DLG2: variants seen among roughly 807,000 people sequenced by gnomAD.
DLG2 encodes the protein discs large MAGUK scaffold protein 2, also known as disks large homolog 2.
Under a neutral mutation model 132.5 loss-of-function variants are expected in DLG2, and 45 were observed. The ratio of observed to expected loss-of-function variants is 0.34; its 90% CI spans 0.27 to 0.44. The LOEUF (loss-of-function observed/expected upper bound fraction) is 0.44, where lower values mean the gene tolerates loss of function less well. DLG2 is among the 20% of genes least tolerant of loss of function. The pLI is 1.00. For synonymous variants in DLG2, 424 were observed against 419.6 expected, an observed-to-expected ratio of 1.01 and a Z score of -0.13; for missense variants, 1,045 against 1,196.9, an observed-to-expected ratio of 0.87 and a Z score of 1.87.
At chr11:85,482,659 T>C (rs1200113983) in intron 3 of DLG2, among the ~76,000 whole-genome samples, 1 of 152,094 alleles carries the variant, frequency 6.6e-6, no homozygotes, top group Non-Finnish European at 1.5e-5. Context: ...GCCAGCCTAA[T>C]GGTCCCAGGT....
chr11:85,622,964 A>C (rs2081823569), intron 2 of DLG2, among the ~76,000 whole-genome samples: 1 of 151,982 alleles, frequency 6.6e-6, no homozygotes, highest in African/African-American at 2.4e-5. Context: ...AAGCTGAGTC[A>C]AGAGAATTGC....
chr11:84,661,283 G>C (rs1346794814), intron 6 of DLG2, among the ~76,000 whole-genome samples: 1 of 152,092 alleles, frequency 6.6e-6, no homozygotes, highest in Non-Finnish European at 1.5e-5. Context: ...AAAAATGAAG[G>C]CTGAAAGCAT....
At chr11:83,460,925 T>C (rs1383267525) in intron 27 of DLG2, among the ~76,000 whole-genome samples, 1 of 152,086 alleles carries the variant, frequency 6.6e-6, no homozygotes, top group Non-Finnish European at 1.5e-5. Context: ...GCACTGACAC[T>C]TTCTATATTC....
chr11:84,845,638 C>T (rs1415679161), intron 6 of DLG2, among the ~76,000 whole-genome samples: 2 of 151,502 alleles, frequency 1.3e-5, no homozygotes, highest in Admixed American at 6.6e-5. Context: ...ACCCATCCTT[C>T]CCTATTGAAA....
intron 8 of DLG2, among the ~76,000 whole-genome samples, chr11:84,164,673 C>T (rs570966443): frequency 3.9e-5 from 6 of 152,262 alleles, no homozygotes; most frequent in African/African-American, 1.4e-4. Context: ...TGTGGATTCT[C>T]TTTTGTAACA....
rs1255677841 is a variant in DLG2, at chr11:83,456,767, C to T, written c.*3051G>A. 1 of 152,112 alleles carries T rather than the reference C, an allele frequency of 6.6e-6. No homozygotes were observed. The highest frequency in any genetic ancestry group is 2.4e-5 in the African/African-American group (1 of 41,412). 9.4% of individuals were successfully genotyped at this position (152,112 alleles called of 1,614,324 possible). On this transcript the variant is annotated 3_prime_UTR_variant, in exon 28 of 28. Transcript: ENST00000376104. Reference sequence around the variant, plus strand: ...GAGGTTGGAGAGTTCTTTCCTGGCTCGGAGTCCTGAAGGGCCGGCAGTAGG... The same window carrying T: ...GAGGTTGGAGAGTTCTTTCCTGGCTTGGAGTCCTGAAGGGCCGGCAGTAGG...
At chr11:84,502,348 TTCTTTCTTTCTTTCTTTCTTTCTTTC>T (rs1567806137) in intron 7 of DLG2, among the ~76,000 whole-genome samples, 1 of 52,490 alleles carries the variant, frequency 1.9e-5, no homozygotes, top group Non-Finnish European at 3.4e-5. Flanking sequence ...CTTTCTTTCT[TTCTTTCTTTCTTTCTTTCTTTCTTTC>T]TTTCTTTCTT....
chr11:83,492,612 A>C (rs1247474939), intron 21 of DLG2, among the ~76,000 whole-genome samples: 1 of 152,060 alleles, frequency 6.6e-6, no homozygotes, highest in Non-Finnish European at 1.5e-5. Flanking sequence ...AAGCAGACAA[A>C]AACCTTGGTC....
intron 19 of DLG2, among the ~76,000 whole-genome samples, chr11:83,587,969 C>T (rs918490865): frequency 5.9e-5 from 9 of 152,202 alleles, no homozygotes; most frequent in African/African-American, 2.2e-4. Flanking sequence ...GATTATATCC[C>T]GCACCTGGCT....
chr11:83,515,088 T>C (rs1295941892), intron 21 of DLG2, among the ~76,000 whole-genome samples: 10 of 152,182 alleles, frequency 6.6e-5, no homozygotes, highest in Admixed American at 6.5e-4. Context: ...ATTGGAATAG[T>C]TTCAGAAGGA....
intron 6 of DLG2, among the ~76,000 whole-genome samples, chr11:85,015,478 G>A (rs992676724): frequency 1.3e-5 from 2 of 150,216 alleles, no homozygotes; most frequent in African/African-American, 4.9e-5. Context: ...GCTGTGACAA[G>A]TTTCTGTTTT....
chr11:83,749,493 T>C (rs1279025654), intron 18 of DLG2, among the ~76,000 whole-genome samples: 4 of 152,176 alleles, frequency 2.6e-5, no homozygotes, highest in Non-Finnish European at 5.9e-5. Context: ...CTCTTGGTTA[T>C]ACTGTCTCCT....
intron 6 of DLG2, among the ~76,000 whole-genome samples, chr11:84,867,973 C>G (rs550063803): frequency 1.3e-5 from 2 of 151,988 alleles, no homozygotes; most frequent in East Asian, 3.9e-4. Context: ...ACTCGGGAGG[C>G]CGAGGCAGGA....
At position 85,175,428 on chromosome 11, in the gene DLG2, A is replaced by G. The variant is rs1313890695; in HGVS notation, c.187-20777T>C. 5.3e-5 allele frequency among the ~76,000 whole-genome samples: 8 copies of G among 152,344 alleles called. No individual in the cohort carries two copies. In the East Asian group the frequency reaches 1.4e-3, roughly 26 times the overall value. On this transcript the variant is annotated intron_variant, in intron 4 of 27. Transcript: ENST00000376104. ...TAACATTCAACATCCTTTTATGTTAAAAACTCTGTATAAACTAGATATTAA... is the reference window on the plus strand; with the variant it reads ...TAACATTCAACATCCTTTTATGTTAGAAACTCTGTATAAACTAGATATTAA...
chr11:85,399,132 A>C (rs2087753728), intron 3 of DLG2, among the ~76,000 whole-genome samples: 1 of 152,158 alleles, frequency 6.6e-6, no homozygotes, highest in Non-Finnish European at 1.5e-5. Flanking sequence ...CTTATACACC[A>C]ATAACAGACA....
At chr11:84,117,519 A>C (rs2093691366) in intron 9 of DLG2, among the ~76,000 whole-genome samples, 1 of 152,072 alleles carries the variant, frequency 6.6e-6, no homozygotes, top group Non-Finnish European at 1.5e-5. Context: ...CACTCATTCC[A>C]TTTCCATTTC....
intron 6 of DLG2, among the ~76,000 whole-genome samples, chr11:84,751,364 G>C (rs569413956): frequency 6.6e-6 from 1 of 152,094 alleles, no homozygotes; most frequent in African/African-American, 2.4e-5. Flanking sequence ...GGTTCACAAA[G>C]CTTTTAAGAT....
At chr11:85,265,069 A>G (rs1327824503) in intron 4 of DLG2, among the ~76,000 whole-genome samples, 2 of 152,204 alleles carry the variant, frequency 1.3e-5, no homozygotes. Flanking sequence ...TCCTTCAGCT[A>G]TAAACTCTCC....
intron 18 of DLG2, among the ~76,000 whole-genome samples, chr11:83,695,564 C>A (rs956628010): frequency 1.3e-5 from 2 of 152,038 alleles, no homozygotes; most frequent in Non-Finnish European, 2.9e-5. Context: ...GATGTTGAAA[C>A]CCTGTCTCTA....
Sources: allele counts gnomAD v4.1 joint callset (sites outside exome capture counted in the v4.1 genomes callset), GRCh38; gene constraint gnomAD v4.1.1; transcripts MANE v1.5; gene names NCBI Gene and HGNC (gene_info 2026-07-23, HGNC 2026-07-21).